The following ADAM17 variants were observed in gnomAD, a reference collection of about 807,000 sequenced individuals.
The protein encoded by ADAM17 is disintegrin and metalloproteinase domain-containing protein 17.
ADAM17 carries 39 observed loss-of-function variants against 96.7 expected under a neutral mutation model. That is an observed-to-expected ratio of 0.40 (90% CI 0.31 to 0.53). The LOEUF (loss-of-function observed/expected upper bound fraction) is 0.53, where lower values mean the gene tolerates loss of function less well. ADAM17 is among the 20% of genes least tolerant of loss of function. The pLI, the probability that ADAM17 is intolerant of heterozygous loss-of-function variation, is 0.44. For synonymous variants in ADAM17, 344 were observed against 359.2 expected, an observed-to-expected ratio of 0.96 and a Z score of 0.48; for missense variants, 777 against 1,013.2, an observed-to-expected ratio of 0.77 and a Z score of 3.17.
At chr2:9,555,121 C>G (rs1665699430) in intron 1 of ADAM17, among the ~76,000 whole-genome samples, 1 of 152,142 alleles carries the variant, frequency 6.6e-6, no homozygotes, top group Admixed American at 6.6e-5. Context: ...CTTTCTGGCT[C>G]TGGTAGGAAC....
intron 2 of ADAM17, among the ~76,000 whole-genome samples, chr2:9,540,728 T>C (rs1194523471): frequency 2.6e-5 from 4 of 152,014 alleles, no homozygotes; most frequent in African/African-American, 9.7e-5. Flanking sequence ...ACAAATTCAA[T>C]AGAAAAATAG....
Position 9,555,659 on chromosome 2 carries a change from G to A in ADAM17, c.-54C>T. The A allele has an allele frequency of 6.9e-7, 1 of 1,449,418 alleles. No individual in the cohort carries two copies. The allele number at this position is 1,449,418 out of a possible 1,614,324, so 89.8% of individuals were successfully genotyped here. ...CTCTGGGCAGCCTTCGCCTGACGGG[G>A]TTTCGGAAAACTGCTCACATCGGGG... On this transcript the variant is annotated 5_prime_UTR_variant, in exon 1 of 19. Transcript: ENST00000310823.
At chr2:9,508,915 A>G (rs957843896) in intron 11 of ADAM17, among the ~76,000 whole-genome samples, 2 of 152,190 alleles carry the variant, frequency 1.3e-5, no homozygotes, top group African/African-American at 2.4e-5. Context: ...ATAAAACATA[A>G]CATGCAAAGT....
At chr2:9,550,609 C>G (rs912703367) in intron 1 of ADAM17, among the ~76,000 whole-genome samples, 47 of 151,838 alleles carry the variant, frequency 3.1e-4, no homozygotes, top group African/African-American at 1.1e-3. Flanking sequence ...CCACGCCTGG[C>G]TAATTTTTGT....
chr2:9,490,507 C>T lies in ADAM17; in HGVS notation c.2145G>A (p.Met715Ile), dbSNP rs892306663. 2 of 1,610,892 alleles carry T rather than the reference C, an allele frequency of 1.2e-6. No individual in the cohort carries two copies. Among genetic ancestry groups the T allele is most frequent in the African/African-American group, 2.7e-5 (2 of 74,808 alleles). The change falls in exon 19 of 19, where the codon ATG (methionine) becomes ATA (isoleucine). Residue 715 changes from methionine to isoleucine, a missense_variant. Coordinates refer to ENST00000310823, the MANE Select transcript of ADAM17 (RefSeq NM_003183.6). ...LSLFHPSNVE[M>I]LSSMDSASVR... ...CCGATGCAGAATCCATGCTGCTCAGCATTTCGACGTTCTGCAAAGACATGG... is the reference window on the plus strand; with the variant it reads ...CCGATGCAGAATCCATGCTGCTCAGTATTTCGACGTTCTGCAAAGACATGG...
intron 9 of ADAM17, 34 bp downstream of exon 9, chr2:9,518,069 G>T (rs772600746): frequency 3.2e-6 from 5 of 1,575,566 alleles, no homozygotes; most frequent in Non-Finnish European, 3.4e-6. Context: ...AATAATCCCA[G>T]CAGCATATTC....
chr2:9,530,572 T>C (rs1036829443), intron 4 of ADAM17, among the ~76,000 whole-genome samples: 1 of 152,040 alleles, frequency 6.6e-6, no homozygotes, highest in Non-Finnish European at 1.5e-5. Flanking sequence ...ATTTGATGAG[T>C]AATTGACTAA....
intron 18 of ADAM17, 123 bp downstream of exon 18, chr2:9,490,978 C>G: frequency 1.2e-6 from 1 of 841,668 alleles, no homozygotes; most frequent in South Asian, 1.7e-5. Flanking sequence ...AACCTAGACC[C>G]TTCCTGCTGC....
chr2:9,490,051 T>TCAAA lies in ADAM17; in HGVS notation c.*122_*125dup, dbSNP rs1661986462. 9 of 912,830 alleles carry TCAAA rather than the reference T, an allele frequency of 9.9e-6. No homozygotes were observed. Among genetic ancestry groups the TCAAA allele is most frequent in the East Asian group, 5.3e-5 (2 of 37,604 alleles). 56.5% of individuals were successfully genotyped at this position (912,830 alleles called of 1,614,324 possible). A position where few individuals can be genotyped will look rare whatever the true frequency, so the allele number is the denominator to read the frequency against. ...CAAGAACTGTTTACCTGCAGGAAGT[T>TCAAA]CAAACACATGACCAGCATCTGCTAA... is the stretch of plus-strand genomic sequence containing the variant. On this transcript the variant is annotated 3_prime_UTR_variant, in exon 19 of 19. Transcript: ENST00000310823.
intron 10 of ADAM17, among the ~76,000 whole-genome samples, chr2:9,517,306 G>C (rs1441066470): frequency 6.6e-5 from 10 of 152,114 alleles, no homozygotes; most frequent in Non-Finnish European, 1.2e-4. Context: ...AAAAAAACAG[G>C]TGACAAACAA....
intron 10 of ADAM17, among the ~76,000 whole-genome samples, chr2:9,517,080 T>C (rs1222631664): frequency 2.6e-5 from 4 of 152,126 alleles, no homozygotes; most frequent in South Asian, 4.1e-4. Context: ...TGAGGTGACA[T>C]CCATGAGGAC....
Position 9,526,153 on chromosome 2 carries a change from T to C in ADAM17, c.711A>G (p.Arg237=), listed in dbSNP as rs1328082716. 2 of 1,613,670 alleles carry C rather than the reference T, an allele frequency of 1.2e-6. No individual in the cohort carries two copies. The highest frequency in any genetic ancestry group is 1.7e-6 in the Non-Finnish European group (2 of 1,179,788). Residue 237 remains arginine (R), a synonymous_variant, in exon 6 of 19, where the codon AGA becomes AGG. Coordinates refer to ENST00000310823, the MANE Select transcript of ADAM17 (RefSeq NM_003183.6). ...LLVVADHRFY[R]YMGRGEESTT... ...TACTCTCTTCCCCTCTGCCCATGTATCTGTAGAAGCGATGATCTGCTACCA... is the reference window on the plus strand; with the variant it reads ...TACTCTCTTCCCCTCTGCCCATGTACCTGTAGAAGCGATGATCTGCTACCA...
chr2:9,503,833 G>A (rs1401383156), intron 12 of ADAM17, among the ~76,000 whole-genome samples: 3 of 108,116 alleles, frequency 2.8e-5, no homozygotes, highest in Non-Finnish European at 5.8e-5. Flanking sequence ...GCAAGACTCC[G>A]TCTCAAAAAA....
chr2:9,506,923 A>G (rs1277126617), intron 11 of ADAM17: 2 of 152,146 alleles, frequency 1.3e-5, no homozygotes, highest in Non-Finnish European at 2.9e-5. Context: ...CTGCCTACAC[A>G]TCCCTGAAGA....
chr2:9,541,735 T>C (rs1665213116), intron 2 of ADAM17, among the ~76,000 whole-genome samples: 1 of 152,122 alleles, frequency 6.6e-6, no homozygotes, highest in Admixed American at 6.5e-5. Flanking sequence ...TGAGAAGGCT[T>C]GTCCTATATA....
chr2:9,492,529 C>G (rs1662241415), intron 17 of ADAM17, among the ~76,000 whole-genome samples: 2 of 152,154 alleles, frequency 1.3e-5, no homozygotes, highest in Non-Finnish European at 1.5e-5. Context: ...TGGGGAACAT[C>G]TGAAATGCCG....
chr2:9,490,422 CAG>C lies in ADAM17; in HGVS notation c.2228_2229del (p.Pro743ArgfsTer35), dbSNP rs1282226104. On this transcript the variant is annotated frameshift_variant, in exon 19 of 19. Coordinates refer to ENST00000310823, the MANE Select transcript of ADAM17 (RefSeq NM_003183.6). LOFTEE classifies it high-confidence loss of function. ...GGAGCTGCTGGCGCCGAAGGGATCA[CAG>C]GGGCAGGCTGCAGGCGGCCTGGAGT... ...PQTPGRLQPA[P>X]VIPSAPAAPK... is the part of the protein sequence containing the mutation. 6 of 1,614,050 alleles carry C rather than the reference CAG, an allele frequency of 3.7e-6. No homozygotes were observed. The highest frequency in any genetic ancestry group is 2.7e-5 in the African/African-American group (2 of 74,912).
intron 1 of ADAM17, among the ~76,000 whole-genome samples, chr2:9,549,632 A>G (rs959604096): frequency 6.6e-6 from 1 of 151,978 alleles, no homozygotes; most frequent in Non-Finnish European, 1.5e-5. Flanking sequence ...GGCATGAGCA[A>G]TCCTCCGGGT....
At chr2:9,491,805 A>C (rs1303501582) in intron 17 of ADAM17, among the ~76,000 whole-genome samples, 1 of 152,256 alleles carries the variant, frequency 6.6e-6, no homozygotes, top group Non-Finnish European at 1.5e-5. Flanking sequence ...TTCTATGACC[A>C]AAAACAAGCC....
Sources: allele counts gnomAD v4.1 joint callset (sites outside exome capture counted in the v4.1 genomes callset), GRCh38; gene constraint gnomAD v4.1.1; transcripts MANE v1.5; gene names NCBI Gene and HGNC (gene_info 2026-07-23, HGNC 2026-07-21).